Variants in POMGNT2 observed in about 807,000 individuals in gnomAD.
POMGNT2 encodes protein O-linked mannose N-acetylglucosaminyltransferase 2 (beta 1,4-), also known as protein O-linked-mannose beta-1,4-N-acetylglucosaminyltransferase 2.
A neutral mutation model predicts 37.8 loss-of-function variants in POMGNT2; 32 were observed. That is an observed-to-expected ratio of 0.85 (90% CI 0.64 to 1.14). POMGNT2 has a LOEUF of 1.14. Ranked by LOEUF, POMGNT2 falls within the 50% of genes most tolerant of loss-of-function variation. The pLI is 0.00. For synonymous variants in POMGNT2, 340 were observed against 336.8 expected (o/e 1.01, Z -0.10); for missense variants, 705 against 780.6 (o/e 0.90, Z 1.15).
At position 43,080,011 on chromosome 3, in the gene POMGNT2, T is replaced by G. The variant is rs1326764660; in HGVS notation, c.1421A>C (p.Gln474Pro). 2 of 1,613,812 alleles carry G rather than the reference T, an allele frequency of 1.2e-6. No homozygotes were observed. The highest frequency in any genetic ancestry group is 2.2e-5 in the East Asian group (1 of 44,890). The change falls in exon 2 of 2, where the codon CAG (glutamine) becomes CCG (proline). Residue 474 changes from glutamine (Q) to proline (P), a missense_variant. Physicochemically the swap from Gln to Pro is moderately conservative, Grantham distance 76. Coordinates refer to ENST00000344697, the MANE Select transcript of POMGNT2 (RefSeq NM_032806.6). Reference protein sequence around the residue: ...VVKGRPGPRKQKWTVGLYPGK... With the variant: ...VVKGRPGPRKPKWTVGLYPGK... ...TGGATATAGGCCGACTGTCCACTTC[T>G]GCTTCCGTGGTCCTGGCCGGCCCTT...
intron 1 of POMGNT2, chr3:43,090,353 A>G (rs939881388): frequency 6.6e-6 from 1 of 152,140 alleles, no homozygotes; most frequent in African/African-American, 2.4e-5. Context: ...ATGCTCTTTC[A>G]AATAGGCATG....
At chr3:43,101,313 T>C (rs1440686980) in intron 1 of POMGNT2, among the ~76,000 whole-genome samples, 1 of 152,200 alleles carries the variant, frequency 6.6e-6, no homozygotes, top group Non-Finnish European at 1.5e-5. Flanking sequence ...AGGAAGACTT[T>C]CCTAAAGACT....
At chr3:43,100,184 C>T (rs766485905) in intron 1 of POMGNT2, among the ~76,000 whole-genome samples, 6 of 150,468 alleles carry the variant, frequency 4.0e-5, no homozygotes, top group Non-Finnish European at 7.4e-5. Flanking sequence ...TGCAGTCAGC[C>T]CTCTATATCT....
Position 43,079,748 on chromosome 3 carries a change from AG to A in POMGNT2, c.1683del (p.Cys562AlafsTer53), listed in dbSNP as rs1265819448. ...CCCAGGAGGATCTTGTTGAAGATGC[AG>A]CGGACCCACACCAGGTAGGTGGTGA... is the stretch of plus-strand genomic sequence containing the variant. ...KPFTTYLVWV[R>X]CIFNKILLGP... On this transcript the variant is annotated frameshift_variant, in exon 2 of 2. Transcript: ENST00000344697. LOFTEE classifies it high-confidence loss of function. The A allele has an allele frequency of 5.0e-6, 8 of 1,614,084 alleles. No individual in the cohort carries two copies. Among genetic ancestry groups the A allele is most frequent in the Non-Finnish European group, 6.8e-6 (8 of 1,180,050 alleles).
Position 43,106,049 on chromosome 3 carries a change from C to G in POMGNT2, c.-319G>C, listed in dbSNP as rs1478472868. 1 of 151,718 alleles carries G rather than the reference C, an allele frequency of 6.6e-6. No individual in the cohort carries two copies. Among genetic ancestry groups the G allele is most frequent in the Non-Finnish European group, 1.5e-5 (1 of 67,894 alleles). The allele number at this position is 151,718 out of a possible 1,614,324, so 9.4% of individuals were successfully genotyped here. A position where few individuals can be genotyped will look rare whatever the true frequency, so the allele number is the denominator to read the frequency against. Reference sequence around the variant, plus strand: ...TCGCAGGTGTCCGCCGTGCGCCTGCCCGGCGGGCGAGCCCGGCGCGGAGCC... The same window carrying G: ...TCGCAGGTGTCCGCCGTGCGCCTGCGCGGCGGGCGAGCCCGGCGCGGAGCC... On this transcript the variant is annotated 5_prime_UTR_variant, in exon 1 of 2. Coordinates refer to ENST00000344697, the MANE Select transcript of POMGNT2 (RefSeq NM_032806.6).
At chr3:43,088,560 C>T (rs1028617500) in intron 1 of POMGNT2, among the ~76,000 whole-genome samples, 1 of 152,212 alleles carries the variant, frequency 6.6e-6, no homozygotes, top group African/African-American at 2.4e-5. Flanking sequence ...AGACCTTGCA[C>T]CTCAGGTGGA....
chr3:43,085,466 AGATCTGATAGTTTTAAAAACAG>A (rs147974363), intron 1 of POMGNT2, among the ~76,000 whole-genome samples: 7,224 of 152,014 alleles, frequency 0.048, 544 homozygotes, highest in African/African-American at 0.16. Context: ...GGGTCTCACT[AGATCTGATAGTTTTAAAAACAG>A]GAGTTTCTTT....
Position 43,079,695 on chromosome 3 carries a change from G to A in POMGNT2, c.1737C>T (p.Asn579=). The A allele has an allele frequency of 6.2e-7, 1 of 1,612,346 alleles. No homozygotes were observed. Among genetic ancestry groups the A allele is most frequent in the Non-Finnish European group, 8.5e-7 (1 of 1,179,002 alleles). The change falls in exon 2 of 2, where the codon AAC becomes AAT. Residue 579 remains asparagine, a synonymous_variant. Transcript: ENST00000344697. ...CCAGGCTGTGGCCTGCTCGCTACGT[G>A]TTGCACACCAGCACATCTGCAAAGG... ...LGPFADVLVC[N]T is the part of the protein sequence containing the mutation.
At chr3:43,082,053 T>A in intron 1 of POMGNT2, among the ~76,000 whole-genome samples, 1 of 152,216 alleles carries the variant, frequency 6.6e-6, no homozygotes, top group East Asian at 1.9e-4. Flanking sequence ...CACATAGACA[T>A]CAGGGCTGAG....
At chr3:43,095,102 C>A (rs1283563952) in intron 1 of POMGNT2, among the ~76,000 whole-genome samples, 1 of 152,134 alleles carries the variant, frequency 6.6e-6, no homozygotes, top group East Asian at 1.9e-4. Context: ...CATTTTCCAT[C>A]CAGAGAGAGG....
chr3:43,095,845 C>G (rs1205930420), intron 1 of POMGNT2, among the ~76,000 whole-genome samples: 1 of 152,178 alleles, frequency 6.6e-6, no homozygotes, highest in Non-Finnish European at 1.5e-5. Flanking sequence ...AGAACTCAAT[C>G]AGGGAGGAGC....
Position 43,080,683 on chromosome 3 carries a change from G to C in POMGNT2, c.749C>G (p.Pro250Arg). 1 of 1,614,180 alleles carries C rather than the reference G, an allele frequency of 6.2e-7. No homozygotes were observed. The highest frequency in any genetic ancestry group is 8.5e-7 in the Non-Finnish European group (1 of 1,180,050). ...GAGGATGTTGGCCTTCGGGCCCTGG[G>C]GCTGCACAAAGCCATACTGGTACCA... ...TTWYQYGFVQ[P>R]QGPKANILVS... Residue 250 changes from proline (P) to arginine (R), a missense_variant, in exon 2 of 2, where the codon CCC (proline) becomes CGC (arginine). Pro to Arg is a moderately radical substitution (Grantham distance 103, BLOSUM62 -2). Transcript: ENST00000344697.
At position 43,080,164 on chromosome 3, in the gene POMGNT2, G is replaced by A; in HGVS notation, c.1268C>T (p.Ala423Val). 3 of 1,613,966 alleles carry A rather than the reference G, an allele frequency of 1.9e-6. No homozygotes were observed. The highest frequency in any genetic ancestry group is 2.5e-6 in the Non-Finnish European group (3 of 1,179,966). ...GITHLDRAEQ[A>V]RILQSREVPR... is the part of the protein sequence containing the mutation. ...GACCTCACGGCTTTGCAGGATACGG[G>A]CTTGCTCAGCCCGGTCCAGATGGGT... The change falls in exon 2 of 2, where the codon GCC becomes GTC. Residue 423 changes from alanine (A) to valine (V), a missense_variant. Physicochemically the swap from Ala to Val is moderately conservative, Grantham distance 64. Transcript: ENST00000344697.
chr3:43,080,832 A>G lies in POMGNT2; in HGVS notation c.600T>C (p.Gly200=), dbSNP rs1401115651. The change falls in exon 2 of 2, where the codon GGT becomes GGC. Residue 200 remains glycine, a synonymous_variant. Coordinates refer to ENST00000344697, the MANE Select transcript of POMGNT2 (RefSeq NM_032806.6). ...GCAGCTTGTAGAGGTCGAAGTGTGC[A>G]CCCTCGCCCCAGCCCTCCATGAAGA... ...RLFFMEGWGE[G]AHFDLYKLLS... 2 of 1,613,576 alleles carry G rather than the reference A, an allele frequency of 1.2e-6. No individual in the cohort carries two copies. Among genetic ancestry groups the G allele is most frequent in the Non-Finnish European group, 1.7e-6 (2 of 1,179,902 alleles).
chr3:43,094,364 T>G (rs2089964366), intron 1 of POMGNT2, among the ~76,000 whole-genome samples: 1 of 152,232 alleles, frequency 6.6e-6, no homozygotes, highest in African/African-American at 2.4e-5. Flanking sequence ...GGAGAATAAC[T>G]GGGCCAAGTT....
chr3:43,089,169 C>T (rs999568249), intron 1 of POMGNT2, among the ~76,000 whole-genome samples: 6 of 152,324 alleles, frequency 3.9e-5, no homozygotes, highest in African/African-American at 9.6e-5. Context: ...CAGTAGGGAA[C>T]GAGAACTAAG....
intron 1 of POMGNT2, among the ~76,000 whole-genome samples, chr3:43,097,738 T>G (rs1239749372): frequency 6.6e-6 from 1 of 152,218 alleles, no homozygotes; most frequent in Non-Finnish European, 1.5e-5. Context: ...AATACTCTTC[T>G]GATTTTCCCA....
chr3:43,093,348 C>T (rs1407397535), intron 1 of POMGNT2, among the ~76,000 whole-genome samples: 2 of 152,328 alleles, frequency 1.3e-5, no homozygotes, highest in East Asian at 3.9e-4. Context: ...TAATTAGCTG[C>T]TAAGTCTTCC....
At position 43,081,397 on chromosome 3, in the gene POMGNT2, A is replaced by G; in HGVS notation, c.35T>C (p.Val12Ala). 1 of 1,597,346 alleles carries G rather than the reference A, an allele frequency of 6.3e-7. No homozygotes were observed. Among genetic ancestry groups the G allele is most frequent in the Non-Finnish European group, 8.5e-7 (1 of 1,173,166 alleles). Residue 12 changes from valine (V) to alanine (A), a missense_variant, in exon 2 of 2, where the codon GTG (valine) becomes GCG (alanine). Coordinates refer to ENST00000344697, the MANE Select transcript of POMGNT2 (RefSeq NM_032806.6). ...HLSAVFNALL[V>A]SVLAAVLWKH... is the part of the protein sequence containing the mutation. ...CCACAGGACCGCTGCCAGCACCGAC[A>G]CCAGGAGGGCGTTGAACACCGCCGA...
Sources: allele counts gnomAD v4.1 joint callset (sites outside exome capture counted in the v4.1 genomes callset), GRCh38; gene constraint gnomAD v4.1.1; transcripts MANE v1.5; gene names NCBI Gene and HGNC (gene_info 2026-07-23, HGNC 2026-07-21).